Variants in BNC2 observed in about 807,000 individuals in gnomAD.
BNC2 encodes basonuclin zinc finger protein 2.
In BNC2, 20 loss-of-function variants were observed where a neutral mutation model predicts 76.3. That is an observed-to-expected ratio of 0.26 (90% confidence interval 0.18 to 0.38). The LOEUF (loss-of-function observed/expected upper bound fraction) is 0.38. Ranked by LOEUF, BNC2 falls within the 10% of genes least tolerant of loss-of-function variation. BNC2 has a pLI of 1.00. For synonymous variants in BNC2, 582 were observed against 514.8 expected, an observed-to-expected ratio of 1.13 and a Z score of -1.77; for missense variants, 1,382 against 1,399.8, an observed-to-expected ratio of 0.99 and a Z score of 0.20.
chr9:16,442,291 A>G (rs1192079369), intron 5 of BNC2, among the ~76,000 whole-genome samples: 2 of 152,230 alleles, frequency 1.3e-5, no homozygotes, highest in African/African-American at 4.8e-5. Context: ...GAAAAAGTAT[A>G]AAAGACTTAA....
At position 16,414,918 on chromosome 9, in the gene BNC2, GTTTTTTT is replaced by G. The variant is rs554134743; in HGVS notation, c.*4064_*4070del. 6 of 134,246 alleles carry G rather than the reference GTTTTTTT, an allele frequency of 4.5e-5. No homozygotes were observed. The highest frequency in any genetic ancestry group is 2.5e-4 in the South Asian group (1 of 4,018). 8.3% of individuals were successfully genotyped at this position (134,246 alleles called of 1,614,324 possible). ...ATAGCCCATTCTTGATATATTCAAA[GTTTTTTT>G]TTTTTTTTTTTCCTTAGAGCAATGT... On this transcript the variant is annotated 3_prime_UTR_variant, in exon 7 of 7. Transcript: ENST00000380672.
intron 4 of BNC2, among the ~76,000 whole-genome samples, chr9:16,559,950 C>T (rs949506749): frequency 1.1e-4 from 17 of 152,226 alleles, no homozygotes; most frequent in African/African-American, 3.9e-4. Flanking sequence ...CTGTGGGACA[C>T]AGAAGAGAGG....
chr9:16,524,492 GTTTT>G (rs113060898), intron 5 of BNC2, among the ~76,000 whole-genome samples: 1 of 150,528 alleles, frequency 6.6e-6, no homozygotes, highest in Non-Finnish European at 1.5e-5. Flanking sequence ...TCCATTTCCT[GTTTT>G]TTTTTGGGGG....
chr9:16,773,641 C>T (rs1478130954), intron 1 of BNC2, among the ~76,000 whole-genome samples: 1 of 152,072 alleles, frequency 6.6e-6, no homozygotes, highest in African/African-American at 2.4e-5. Flanking sequence ...CTTGTCGCTA[C>T]AGTAAATGAA....
intron 5 of BNC2, among the ~76,000 whole-genome samples, chr9:16,472,825 G>A (rs370547958): frequency 9.9e-5 from 15 of 152,216 alleles, no homozygotes; most frequent in African/African-American, 3.6e-4. Flanking sequence ...AAAAAATTAA[G>A]TTTTAGTTAT....
chr9:16,632,908 A>T (rs957080827), intron 3 of BNC2, among the ~76,000 whole-genome samples: 5 of 152,174 alleles, frequency 3.3e-5, no homozygotes, highest in African/African-American at 9.7e-5. Context: ...GTTTTATAGG[A>T]GGGTAGGTTT....
At chr9:16,651,941 G>T (rs1311806194) in intron 3 of BNC2, among the ~76,000 whole-genome samples, 1 of 152,174 alleles carries the variant, frequency 6.6e-6, no homozygotes, top group Non-Finnish European at 1.5e-5. Context: ...TGAGTGTTCA[G>T]ATCTTAAACC....
chr9:16,455,998 A>C (rs1221421425), intron 5 of BNC2, among the ~76,000 whole-genome samples: 1 of 152,154 alleles, frequency 6.6e-6, no homozygotes, highest in Non-Finnish European at 1.5e-5. Flanking sequence ...AGTGCAATGA[A>C]AGAGCTCAAG....
intron 5 of BNC2, among the ~76,000 whole-genome samples, chr9:16,471,624 A>C (rs1246569783): frequency 6.6e-6 from 1 of 152,140 alleles, no homozygotes; most frequent in Non-Finnish European, 1.5e-5. Context: ...CTGTAGGCGG[A>C]AGGGACTTTA....
At chr9:16,724,003 G>A (rs1824242435) in intron 3 of BNC2, among the ~76,000 whole-genome samples, 2 of 151,756 alleles carry the variant, frequency 1.3e-5, no homozygotes, top group South Asian at 2.1e-4. Flanking sequence ...TACATCATCG[G>A]GTGAATCCTA....
chr9:16,741,409 C>T (rs1460910700), intron 1 of BNC2, among the ~76,000 whole-genome samples: 1 of 151,558 alleles, frequency 6.6e-6, no homozygotes, highest in African/African-American at 2.4e-5. Context: ...GCCGAGATCA[C>T]GCCACTGCAC....
At chr9:16,640,041 A>G (rs1821447105) in intron 3 of BNC2, among the ~76,000 whole-genome samples, 1 of 152,106 alleles carries the variant, frequency 6.6e-6, no homozygotes, top group Non-Finnish European at 1.5e-5. Context: ...TTTCTATTAT[A>G]GCTCTTCTAA....
At chr9:16,793,491 T>A (rs1421082501) in intron 1 of BNC2, among the ~76,000 whole-genome samples, 4 of 151,760 alleles carry the variant, frequency 2.6e-5, no homozygotes, top group Non-Finnish European at 4.4e-5. Flanking sequence ...GTCCTTTTTA[T>A]TTTTTTTGAC....
intron 1 of BNC2, among the ~76,000 whole-genome samples, chr9:16,765,558 A>C (rs892646362): frequency 4.6e-5 from 7 of 152,204 alleles, no homozygotes; most frequent in Admixed American, 2.6e-4. Flanking sequence ...GAAATATGTT[A>C]GGTAATGAAA....
rs148193938 is a variant in BNC2, at chr9:16,565,334, T to C, written c.434-12569A>G. On this transcript the variant is annotated intron_variant, in intron 4 of 6. Coordinates refer to ENST00000380672, the MANE Select transcript of BNC2 (RefSeq NM_017637.6). Reference sequence around the variant, plus strand: ...TTTCCAGTCTAGTAACTCTCTGACATGGGCCCTCTGATCTGCCCAAAGTAA... The same window carrying C: ...TTTCCAGTCTAGTAACTCTCTGACACGGGCCCTCTGATCTGCCCAAAGTAA... Among the ~76,000 whole-genome samples the C allele has an allele frequency of 2.0e-3, 303 of 152,298 alleles. 2 individuals carry two copies. Among genetic ancestry groups the C allele is most frequent in the African/African-American group, 6.8e-3 (284 of 41,564 alleles).
intron 3 of BNC2, among the ~76,000 whole-genome samples, chr9:16,632,338 C>T (rs1821186602): frequency 6.6e-6 from 1 of 151,842 alleles, no homozygotes; most frequent in Admixed American, 6.6e-5. Flanking sequence ...CCCCCACATT[C>T]GGTAATAATT....
At chr9:16,493,520 T>A (rs1171463998) in intron 5 of BNC2, among the ~76,000 whole-genome samples, 1 of 152,186 alleles carries the variant, frequency 6.6e-6, no homozygotes, top group Non-Finnish European at 1.5e-5. Context: ...ATGGATGAAA[T>A]CCTGAAATAA....
intron 1 of BNC2, chr9:16,867,573 AC>A (rs888492124): frequency 6.6e-6 from 1 of 152,162 alleles, no homozygotes; most frequent in Admixed American, 6.5e-5. Context: ...ACCGTGCTGA[AC>A]CCTTAACTGT....
intron 3 of BNC2, among the ~76,000 whole-genome samples, chr9:16,724,947 A>G (rs1381799240): frequency 6.6e-6 from 1 of 152,116 alleles, no homozygotes; most frequent in Non-Finnish European, 1.5e-5. Context: ...TTTTTATACT[A>G]TTAAAGAAAA....
Sources: allele counts gnomAD v4.1 joint callset (sites outside exome capture counted in the v4.1 genomes callset), GRCh38; gene constraint gnomAD v4.1.1; transcripts MANE v1.5; gene names NCBI Gene and HGNC (gene_info 2026-07-23, HGNC 2026-07-21).